NLGN1: variants seen among roughly 807,000 people sequenced by gnomAD.
NLGN1 encodes neuroligin 1.
In NLGN1, 12 loss-of-function variants were observed where a neutral mutation model predicts 65.5. The ratio of observed to expected loss-of-function variants is 0.18; its 90% CI spans 0.12 to 0.30. The LOEUF is 0.30. Ranked by LOEUF, NLGN1 falls within the 10% of genes least tolerant of loss-of-function variation. The probability of loss-of-function intolerance (pLI) is 1.00; values close to 1 mark genes in which losing one functional copy is unlikely to be tolerated. For missense variants in NLGN1, 750 were observed against 1,007.1 expected, an observed-to-expected ratio of 0.74 and a Z score of 3.46; for synonymous variants, 350 against 359.5, an observed-to-expected ratio of 0.97 and a Z score of 0.30.
intron 4 of NLGN1, among the ~76,000 whole-genome samples, chr3:173,917,662 A>G (rs781124935): frequency 3.3e-5 from 5 of 152,134 alleles, no homozygotes; most frequent in Non-Finnish European, 4.4e-5. Flanking sequence ...TATATCAATT[A>G]CTCCCTAGTC....
chr3:173,473,973 G>A (rs1725755210), intron 2 of NLGN1, among the ~76,000 whole-genome samples: 1 of 152,124 alleles, frequency 6.6e-6, no homozygotes, highest in Non-Finnish European at 1.5e-5. Flanking sequence ...ATTTCTTCTA[G>A]TAGCAATAAA....
At chr3:174,088,624 G>A (rs1448684658) in intron 4 of NLGN1, among the ~76,000 whole-genome samples, 1 of 151,574 alleles carries the variant, frequency 6.6e-6, no homozygotes, top group Non-Finnish European at 1.5e-5. Flanking sequence ...GCGGTGGCAG[G>A]TGCCTGTAGT....
chr3:173,948,961 T>A (rs933398889), intron 4 of NLGN1, among the ~76,000 whole-genome samples: 3 of 151,954 alleles, frequency 2.0e-5, no homozygotes, highest in Admixed American at 6.5e-5. Flanking sequence ...TTAGTAAATT[T>A]AAAAAAATAA....
chr3:173,506,907 A>G (rs1382488768), intron 2 of NLGN1, among the ~76,000 whole-genome samples: 1 of 152,136 alleles, frequency 6.6e-6, no homozygotes, highest in Non-Finnish European at 1.5e-5. Flanking sequence ...GGTCAAAATG[A>G]AAAAGAATGT....
At chr3:173,691,210 C>T (rs537874083) in intron 3 of NLGN1, among the ~76,000 whole-genome samples, 2 of 152,142 alleles carry the variant, frequency 1.3e-5, no homozygotes, top group African/African-American at 4.8e-5. Flanking sequence ...GGAAGATTTC[C>T]TTTTCTCCAA....
intron 4 of NLGN1, among the ~76,000 whole-genome samples, chr3:173,815,038 CTTTCTTTCTT>C (rs1718736690): frequency 6.7e-6 from 1 of 148,730 alleles, no homozygotes; most frequent in Admixed American, 6.7e-5. Context: ...TTTCTTTTCC[CTTTCTTTCTT>C]TTTCTTTCTC....
At chr3:174,037,734 A>G (rs1731445207) in intron 4 of NLGN1, among the ~76,000 whole-genome samples, 1 of 152,202 alleles carries the variant, frequency 6.6e-6, no homozygotes, top group Non-Finnish European at 1.5e-5. Flanking sequence ...GCTATTTTGC[A>G]TGTTTTAGCA....
At chr3:173,707,550 AG>A (rs1768237567) in intron 3 of NLGN1, among the ~76,000 whole-genome samples, 1 of 152,102 alleles carries the variant, frequency 6.6e-6, no homozygotes, top group East Asian at 1.9e-4. Flanking sequence ...TTACCTCGGT[AG>A]AAAGTAAATA....
intron 3 of NLGN1, among the ~76,000 whole-genome samples, chr3:173,709,531 G>A (rs985643880): frequency 2.0e-5 from 3 of 152,254 alleles, no homozygotes; most frequent in African/African-American, 7.2e-5. Context: ...GCCGGGCACA[G>A]TGGCTCACGC....
chr3:173,567,596 T>C (rs1207675383), intron 2 of NLGN1, among the ~76,000 whole-genome samples: 2 of 151,354 alleles, frequency 1.3e-5, no homozygotes, highest in African/African-American at 2.4e-5. Context: ...ATGCTGAACA[T>C]TTTACTGTAT....
chr3:173,630,996 C>A (rs542378968), intron 3 of NLGN1, among the ~76,000 whole-genome samples: 1 of 152,018 alleles, frequency 6.6e-6, no homozygotes, highest in Non-Finnish European at 1.5e-5. Flanking sequence ...AAGAAGAGAG[C>A]GAGAAGGCAA....
chr3:174,009,033 T>G (rs1293643079), intron 4 of NLGN1, among the ~76,000 whole-genome samples: 1 of 152,124 alleles, frequency 6.6e-6, no homozygotes, highest in African/African-American at 2.4e-5. Flanking sequence ...CAATGAACAT[T>G]GTTTCTCACA....
intron 2 of NLGN1, among the ~76,000 whole-genome samples, chr3:173,437,364 C>T (rs761511716): frequency 6.6e-6 from 1 of 152,182 alleles, no homozygotes; most frequent in African/African-American, 2.4e-5. Context: ...TGATTACTCA[C>T]TGTGACCAGA....
intron 4 of NLGN1, among the ~76,000 whole-genome samples, chr3:174,093,114 C>T (rs1474727642): frequency 2.0e-5 from 3 of 152,132 alleles, no homozygotes; most frequent in South Asian, 4.1e-4. Flanking sequence ...TTTAACTTTG[C>T]CTGGCACATC....
the NLGN1 span, among the ~76,000 whole-genome samples, chr3:174,293,979 G>A: frequency 6.6e-6 from 1 of 151,622 alleles, no homozygotes; most frequent in Non-Finnish European, 1.5e-5. Context: ...GCACATGAAT[G>A]TAAGTACAGA....
intron 4 of NLGN1, among the ~76,000 whole-genome samples, chr3:174,245,707 G>T (rs961300180): frequency 2.6e-5 from 4 of 152,002 alleles, no homozygotes; most frequent in Non-Finnish European, 5.9e-5. Context: ...ATATATAACT[G>T]GAGGTGTTTT....
intron 3 of NLGN1, among the ~76,000 whole-genome samples, chr3:173,764,942 C>T (rs2150228323): frequency 6.6e-6 from 1 of 151,922 alleles, no homozygotes; most frequent in African/African-American, 2.4e-5. Context: ...TGGATAATTT[C>T]CATTTCTAAC....
chr3:174,099,498 A>C (rs2152572567), intron 4 of NLGN1, among the ~76,000 whole-genome samples: 1 of 152,262 alleles, frequency 6.6e-6, no homozygotes, highest in African/African-American at 2.4e-5. Context: ...GATTTTGTTG[A>C]AATTTATAGC....
At chr3:174,016,300 G>A (rs570083150) in intron 4 of NLGN1, among the ~76,000 whole-genome samples, 2 of 152,280 alleles carry the variant, frequency 1.3e-5, no homozygotes, top group Non-Finnish European at 2.9e-5. Context: ...AAAGAGACTG[G>A]ATGTATATGG....
Sources: gnomAD v4.1 joint callset for allele counts (sites outside exome capture counted in the v4.1 genomes callset) on GRCh38, gnomAD v4.1.1 for gene constraint, MANE v1.5 for transcripts, NCBI Gene and HGNC (gene_info 2026-07-23, HGNC 2026-07-21) for gene names.